The following CCDC7 variants were observed in gnomAD, a reference collection of about 807,000 sequenced individuals.
The protein encoded by CCDC7 is coiled-coil domain containing 7, also known as coiled-coil domain-containing protein 7.
In CCDC7, 183 loss-of-function variants were observed where a neutral mutation model predicts 196.9. The ratio of observed to expected loss-of-function variants is 0.93; its 90% confidence interval spans 0.82 to 1.05. The LOEUF (loss-of-function observed/expected upper bound fraction) is 1.05, where lower values mean the gene tolerates loss of function less well. Ranked by LOEUF, CCDC7 falls within the 50% of genes least tolerant of loss-of-function variation. CCDC7 has a pLI of 0.00. For missense variants in CCDC7, 1,540 were observed against 1,482.2 expected (o/e 1.04, Z -0.64); for synonymous variants, 525 against 484.6 (o/e 1.08, Z -1.10).
intron 21 of CCDC7, among the ~76,000 whole-genome samples, chr10:32,667,003 G>A (rs1012231441): frequency 6.6e-6 from 1 of 152,126 alleles, no homozygotes; most frequent in African/African-American, 2.4e-5. Context: ...CAGTGTAAAA[G>A]CGTTCCTATT....
intron 22 of CCDC7, among the ~76,000 whole-genome samples, chr10:32,686,877 G>C (rs762121829): frequency 2.0e-5 from 3 of 152,204 alleles, no homozygotes; most frequent in Non-Finnish European, 4.4e-5. Flanking sequence ...CCTACCAGTA[G>C]GGAGTCATCA....
rs116071793 is a variant in CCDC7 at position 32,504,808 on chromosome 10, G to T, written c.872+12811G>T. On this transcript the variant is annotated intron_variant, in intron 9 of 41. Transcript: ENST00000639629. ...AGTCTTCTTAAGTATATTAAGACAT[G>T]TTTTGTGGTCTAACACATAACGTAT... 8.6e-3 allele frequency among the ~76,000 whole-genome samples: 1,305 copies of T among 152,278 alleles called. 27 individuals are homozygous for T. The highest frequency in any genetic ancestry group is 0.029 in the African/African-American group (1,205 of 41,536).
At chr10:32,621,120 A>T (rs1183973129) in intron 18 of CCDC7, among the ~76,000 whole-genome samples, 2 of 152,134 alleles carry the variant, frequency 1.3e-5, no homozygotes, top group Admixed American at 1.3e-4. Flanking sequence ...GTTGTTTTCA[A>T]GATTGTCAAG....
At chr10:32,854,454 C>T in exon 41 of CCDC7, 2 of 1,607,028 alleles carry the variant, frequency 1.2e-6, no homozygotes, top group East Asian at 2.2e-5. Flanking sequence ...ACTCTGCCTA[C>T]TGTGACCAAT....
chr10:32,719,685 A>C (rs2082120210), intron 25 of CCDC7, among the ~76,000 whole-genome samples: 1 of 152,216 alleles, frequency 6.6e-6, no homozygotes, highest in African/African-American at 2.4e-5. Flanking sequence ...AAAAAAACAA[A>C]CAACCTAATC....
chr10:32,653,732 A>G (rs189583077), intron 20 of CCDC7, among the ~76,000 whole-genome samples: 1 of 152,334 alleles, frequency 6.6e-6, no homozygotes, highest in African/African-American at 2.4e-5. Context: ...TCAAAAGCCC[A>G]TCTCAAATTA....
In CCDC7 at chr10:32,585,154, A is replaced by C. The variant is rs534466574; in HGVS notation, c.1801+850A>C. 4.4e-3 allele frequency among the ~76,000 whole-genome samples: 662 copies of C among 151,890 alleles called. 10 individuals are homozygous for C. Among genetic ancestry groups the C allele is most frequent in the Middle Eastern group, 3.4e-3 (1 of 294 alleles). On this transcript the variant is annotated intron_variant, in intron 18 of 41. Transcript: ENST00000639629. ...AGTGGCATGATCTCGGCTCACTGCA[A>C]GCTCCGCCTCCCGGGTTCACGCCAT...
Position 32,493,348 on chromosome 10 carries a change from A to G in CCDC7, c.872+1351A>G, listed in dbSNP as rs559940249. 2.0e-5 allele frequency among the ~76,000 whole-genome samples: 3 copies of G among 150,744 alleles called. No individual in the cohort carries two copies. The South Asian group carries it at 6.3e-4, about 31-fold the overall frequency. ...AGATGACAGGATTTCCTTCTTTTTA[A>G]GGCTGGATAATATTTTATATTTATA... On this transcript the variant is annotated intron_variant, in intron 9 of 41. Transcript: ENST00000639629.
At chr10:32,497,033 G>T (rs894288345) in intron 9 of CCDC7, among the ~76,000 whole-genome samples, 2 of 151,988 alleles carry the variant, frequency 1.3e-5, no homozygotes, top group Non-Finnish European at 2.9e-5. Flanking sequence ...GACTTTTTTT[G>T]GTTGGCAGGC....
intron 28 of CCDC7, among the ~76,000 whole-genome samples, chr10:32,763,208 T>C (rs993832547): frequency 3.3e-5 from 5 of 151,854 alleles, no homozygotes; most frequent in Admixed American, 3.3e-4. Context: ...GCAAAGAACC[T>C]AAATAGACAT....
chr10:32,545,905 C>CAAAA (rs11326989), intron 13 of CCDC7, among the ~76,000 whole-genome samples: 2 of 64,166 alleles, frequency 3.1e-5, no homozygotes, highest in African/African-American at 5.2e-5. Context: ...AACTCCGTCT[C>CAAAA]AAAAAAAAAA....
chr10:32,497,888 T>G (rs1299263085), intron 9 of CCDC7, among the ~76,000 whole-genome samples: 1 of 152,218 alleles, frequency 6.6e-6, no homozygotes, highest in Admixed American at 6.5e-5. Flanking sequence ...TTGTGGAAAG[T>G]TCTGTAGATG....
chr10:32,534,104 T>C (rs2050109067), intron 11 of CCDC7, among the ~76,000 whole-genome samples: 1 of 152,110 alleles, frequency 6.6e-6, no homozygotes, highest in Non-Finnish European at 1.5e-5. Flanking sequence ...TTCTTTCTTC[T>C]TTTTTCTCCT....
intron 28 of CCDC7, among the ~76,000 whole-genome samples, chr10:32,766,115 C>G (rs80169426): frequency 0.14 from 20,847 of 151,716 alleles, 1,754 homozygotes; most frequent in East Asian, 0.25. Context: ...ATTTGCATGT[C>G]AGAAGGTGGG....
chr10:32,611,921 T>A (rs2062192004), intron 18 of CCDC7, among the ~76,000 whole-genome samples: 1 of 152,204 alleles, frequency 6.6e-6, no homozygotes, highest in African/African-American at 2.4e-5. Flanking sequence ...TTGTTTCACA[T>A]GAAATTTGAA....
intron 20 of CCDC7, among the ~76,000 whole-genome samples, chr10:32,638,644 G>A (rs929550531): frequency 6.6e-6 from 1 of 152,168 alleles, no homozygotes; most frequent in Non-Finnish European, 1.5e-5. Context: ...GTATTTTATT[G>A]AGGATTTTTG....
intron 30 of CCDC7, among the ~76,000 whole-genome samples, chr10:32,810,153 C>T (rs1021941081): frequency 6.6e-6 from 1 of 151,930 alleles, no homozygotes; most frequent in African/African-American, 2.4e-5. Flanking sequence ...AAGAAAACAA[C>T]CAGAAAATAA....
chr10:32,707,867 A>T (rs914326923), intron 24 of CCDC7, among the ~76,000 whole-genome samples: 4 of 152,230 alleles, frequency 2.6e-5, no homozygotes, highest in Non-Finnish European at 5.9e-5. Flanking sequence ...GGGCAGGAAG[A>T]ATCAATATCG....
intron 9 of CCDC7, among the ~76,000 whole-genome samples, chr10:32,509,193 C>T (rs1463018967): frequency 6.6e-6 from 1 of 152,114 alleles, no homozygotes; most frequent in African/African-American, 2.4e-5. Flanking sequence ...CAGTATGGTA[C>T]TGGCATAAAA....
Sources: allele counts gnomAD v4.1 joint callset (sites outside exome capture counted in the v4.1 genomes callset), GRCh38; gene constraint gnomAD v4.1.1; transcripts MANE v1.5; gene names NCBI Gene and HGNC (gene_info 2026-07-23, HGNC 2026-07-21).